Variants in CDH17 observed in about 807,000 individuals in gnomAD.
CDH17 encodes cadherin-17.
A neutral mutation model predicts 86.3 loss-of-function variants in CDH17; 67 were observed. That is an observed-to-expected ratio of 0.78 (90% CI 0.64 to 0.95). The LOEUF (loss-of-function observed/expected upper bound fraction) is 0.95, where lower values mean the gene tolerates loss of function less well. CDH17 is among the 40% of genes least tolerant of loss of function. The pLI, the probability that CDH17 is intolerant of heterozygous loss-of-function variation, is 0.00. For missense variants in CDH17, 993 were observed against 1,017.6 expected (o/e 0.98, Z 0.33); for synonymous variants, 367 against 366.4 (o/e 1.00, Z -0.02).
rs1166524133 is a variant in CDH17 at position 94,160,165 on chromosome 8, A to G, written c.1360-3T>C. On this transcript the variant is annotated splice_polypyrimidine_tract_variant and splice_region_variant and intron_variant, in intron 11 of 17. Coordinates refer to ENST00000027335, the MANE Select transcript of CDH17 (RefSeq NM_004063.4). ...TCAGCAAGAGTCAGGTTTCCATACT[A>G]AGGAGAAAATGGAGAAGGAAACAAT... 1.2e-6 allele frequency: 2 copies of G among 1,605,624 alleles called. No homozygotes were observed. The highest frequency in any genetic ancestry group is 2.2e-5 in the South Asian group (2 of 88,992).
chr8:94,134,347 A>G (rs1216364723), intron 15 of CDH17, among the ~76,000 whole-genome samples: 1 of 152,180 alleles, frequency 6.6e-6, no homozygotes, highest in Admixed American at 6.5e-5. Flanking sequence ...TTATTGGTCT[A>G]TTCAGAGATT....
At chr8:94,165,718 GA>G in intron 10 of CDH17, 42 bp downstream of exon 10, 1 of 1,297,758 alleles carries the variant, frequency 7.7e-7, no homozygotes, top group Non-Finnish European at 1.1e-6. Flanking sequence ...TAGCTAGAAG[GA>G]AAACAATGAT....
At chr8:94,156,046 G>A (rs973206184) in intron 12 of CDH17, among the ~76,000 whole-genome samples, 4 of 152,142 alleles carry the variant, frequency 2.6e-5, no homozygotes, top group Non-Finnish European at 4.4e-5. Context: ...ATGACTGTGA[G>A]GCCAAGTCAA....
intron 15 of CDH17, among the ~76,000 whole-genome samples, chr8:94,139,067 G>T (rs2446808): frequency 0.22 from 32,777 of 151,972 alleles, 4,000 homozygotes; most frequent in East Asian, 0.55. Flanking sequence ...CATAAATAGT[G>T]GGAAAAGACA....
chr8:94,187,922 C>T (rs1410603991), intron 3 of CDH17, among the ~76,000 whole-genome samples: 1 of 152,132 alleles, frequency 6.6e-6, no homozygotes, highest in African/African-American at 2.4e-5. Flanking sequence ...TAACACCCTA[C>T]CTCACCGGGC....
intron 2 of CDH17, among the ~76,000 whole-genome samples, chr8:94,193,826 C>G (rs977074301): frequency 1.1e-4 from 17 of 152,028 alleles, no homozygotes; most frequent in African/African-American, 4.1e-4. Flanking sequence ...TTCACACTGT[C>G]ACTATGTGAG....
At chr8:94,158,374 A>G (rs3779689) in intron 12 of CDH17, among the ~76,000 whole-genome samples, 2 of 152,070 alleles carry the variant, frequency 1.3e-5, no homozygotes, top group East Asian at 3.9e-4. Flanking sequence ...CTAATCATTG[A>G]GATAGGTGCC....
chr8:94,204,757 C>T (rs978877281), intron 1 of CDH17, among the ~76,000 whole-genome samples: 1 of 152,080 alleles, frequency 6.6e-6, no homozygotes, highest in African/African-American at 2.4e-5. Context: ...TCCTGGTTGG[C>T]GTTTGTTCCC....
chr8:94,144,535 A>G (rs1812702666), intron 15 of CDH17, among the ~76,000 whole-genome samples: 1 of 152,162 alleles, frequency 6.6e-6, no homozygotes, highest in Admixed American at 6.5e-5. Context: ...AATTACCTTA[A>G]AAAGGCATAG....
intron 9 of CDH17, among the ~76,000 whole-genome samples, chr8:94,166,200 G>A (rs1363075006): frequency 2.0e-5 from 3 of 152,196 alleles, no homozygotes; most frequent in Non-Finnish European, 4.4e-5. Context: ...TTAAACAACA[G>A]AGACTTATTT....
chr8:94,147,758 C>T (rs1351981907), intron 14 of CDH17, among the ~76,000 whole-genome samples: 1 of 152,158 alleles, frequency 6.6e-6, no homozygotes, highest in Non-Finnish European at 1.5e-5. Context: ...CAGTTGGAGC[C>T]AGCAGGCAAT....
intron 3 of CDH17, among the ~76,000 whole-genome samples, chr8:94,182,665 T>C (rs1214944168): frequency 6.6e-6 from 1 of 152,120 alleles, no homozygotes; most frequent in Non-Finnish European, 1.5e-5. Context: ...TTGTACTTAA[T>C]GGTGAAAGAC....
At chr8:94,134,955 A>C (rs1191455004) in intron 15 of CDH17, among the ~76,000 whole-genome samples, 1 of 152,100 alleles carries the variant, frequency 6.6e-6, no homozygotes, top group Non-Finnish European at 1.5e-5. Flanking sequence ...TTCAGTTTCC[A>C]TGTAGTTGTG....
chr8:94,183,673 G>A (rs990112122), intron 3 of CDH17, among the ~76,000 whole-genome samples: 9 of 151,924 alleles, frequency 5.9e-5, no homozygotes, highest in Admixed American at 3.9e-4. Context: ...TCTTAGATAT[G>A]ACATCAAAAG....
Position 94,134,295 on chromosome 8 carries a change from T to C in CDH17, c.2168-3303A>G, listed in dbSNP as rs190356920. ...AATCCATCTGATCCTGGACTTTTTTTTGTTGGTAGGCTATTAATTATTGCC... is the reference window on the plus strand; with the variant it reads ...AATCCATCTGATCCTGGACTTTTTTCTGTTGGTAGGCTATTAATTATTGCC... On this transcript the variant is annotated intron_variant, in intron 15 of 17. Coordinates refer to ENST00000027335, the MANE Select transcript of CDH17 (RefSeq NM_004063.4). 2.0e-5 allele frequency among the ~76,000 whole-genome samples: 3 copies of C among 152,346 alleles called. No individual in the cohort carries two copies. In the East Asian group the frequency reaches 5.8e-4, roughly 29 times the overall value.
chr8:94,141,029 TAGAG>T (rs1251854200), intron 15 of CDH17, among the ~76,000 whole-genome samples: 7 of 151,872 alleles, frequency 4.6e-5, no homozygotes, highest in Non-Finnish European at 7.4e-5. Flanking sequence ...AGGCAAAATA[TAGAG>T]AGAGACCAAC....
intron 14 of CDH17, among the ~76,000 whole-genome samples, chr8:94,146,813 A>T (rs1397614587): frequency 6.6e-6 from 1 of 152,222 alleles, no homozygotes; most frequent in African/African-American, 2.4e-5. Flanking sequence ...TGGGGCTGTC[A>T]GTGCAACATA....
chr8:94,159,935 C>A (rs758848019), intron 12 of CDH17, 36 bp downstream of exon 12: 38 of 1,531,288 alleles, frequency 2.5e-5, no homozygotes, highest in Non-Finnish European at 3.0e-5. Flanking sequence ...AACCCACAAA[C>A]AAAGACAAAT....
intron 8 of CDH17, 33 bp from the exon 9 acceptor site, chr8:94,170,580 T>A: frequency 6.2e-7 from 1 of 1,604,926 alleles, no homozygotes; most frequent in Non-Finnish European, 8.5e-7. Context: ...AAGGCAAGAC[T>A]CACCCACCAC....
Sources: allele counts gnomAD v4.1 joint callset (sites outside exome capture counted in the v4.1 genomes callset), GRCh38; gene constraint gnomAD v4.1.1; transcripts MANE v1.5; gene names NCBI Gene and HGNC (gene_info 2026-07-23, HGNC 2026-07-21).